VAV2: variants seen among roughly 807,000 people sequenced by gnomAD.
VAV2 encodes the protein vav guanine nucleotide exchange factor 2, also known as guanine nucleotide exchange factor VAV2.
A neutral mutation model predicts 132.5 loss-of-function variants in VAV2; 67 were observed. The observed-to-expected ratio is 0.51, with a 90% CI of 0.42 to 0.62. The LOEUF (loss-of-function observed/expected upper bound fraction) is 0.62, where lower values mean the gene tolerates loss of function less well. Among genes scored for constraint, VAV2 ranks in the 20% least tolerant of loss-of-function variants. The pLI is 0.00. For missense variants in VAV2, 938 were observed against 1,153.6 expected (o/e 0.81, Z 2.71); for synonymous variants, 492 against 443.5 (o/e 1.11, Z -1.37).
chr9:133,827,233 T>G (rs1461386833), intron 4 of VAV2, among the ~76,000 whole-genome samples: 1 of 77,502 alleles, frequency 1.3e-5, no homozygotes, highest in Non-Finnish European at 2.7e-5. Context: ...CTGTGCCCAC[T>G]GGGGCTGACC....
In VAV2 at chr9:133,879,625, A is replaced by G. The variant is rs1423411873; in HGVS notation, c.322-18193T>C. 1.3e-5 allele frequency among the ~76,000 whole-genome samples: 2 copies of G among 152,176 alleles called. No individual in the cohort carries two copies. The highest frequency in any genetic ancestry group is 2.1e-4 in the South Asian group (1 of 4,820). On this transcript the variant is annotated intron_variant, in intron 2 of 29. Coordinates refer to ENST00000371850, the MANE Select transcript of VAV2 (RefSeq NM_001134398.2). The surrounding 1 kb of genome is among the most constrained non-coding windows in gnomAD (Gnocchi z 4.4). ...ACATCTGAGTCCTCTGCCAAATGCAAATCTAAGCAACAAGCCGCACACACC... is the reference window on the plus strand; with the variant it reads ...ACATCTGAGTCCTCTGCCAAATGCAGATCTAAGCAACAAGCCGCACACACC...
At position 133,879,398 on chromosome 9, in the gene VAV2, C is replaced by A. The variant is rs1838396478; in HGVS notation, c.322-17966G>T. The stretch of plus-strand genomic sequence containing the variant: ...GTCCCTAATCAAGCAAAGCAAGGGG[C>A]AGGAGATGTCCAGGAATCAGAGAAG... On this transcript the variant is annotated intron_variant, in intron 2 of 29. Coordinates refer to ENST00000371850, the MANE Select transcript of VAV2 (RefSeq NM_001134398.2). This position sits in a 1 kb window ranked among gnomAD's most constrained non-coding sequence, Gnocchi z 4.4. 6.6e-6 allele frequency among the ~76,000 whole-genome samples: 1 copy of A among 152,082 alleles called. No homozygotes were observed. Among genetic ancestry groups the A allele is most frequent in the South Asian group, 2.1e-4 (1 of 4,810 alleles).
At chr9:133,916,096 C>T (rs117919485) in intron 2 of VAV2, among the ~76,000 whole-genome samples, 4,295 of 152,346 alleles carry the variant, frequency 0.028, 90 homozygotes, top group Non-Finnish European at 0.043. Flanking sequence ...CACGCACCTT[C>T]CCTTCTGAAG....
At chr9:133,831,920 C>T (rs965778110) in intron 4 of VAV2, among the ~76,000 whole-genome samples, 1 of 152,148 alleles carries the variant, frequency 6.6e-6, no homozygotes, top group African/African-American at 2.4e-5. Flanking sequence ...CCTCAGTTTC[C>T]TTATCTGTAA....
chr9:133,964,551 A>G (rs1343010580), intron 1 of VAV2, among the ~76,000 whole-genome samples: 1 of 152,180 alleles, frequency 6.6e-6, no homozygotes, highest in East Asian at 1.9e-4. Flanking sequence ...ACCCTAACGA[A>G]CATAGATGCA....
rs894450449 is a variant in VAV2, at chr9:133,945,860, C to T, written c.205-6641G>A. ...CAACCACATTCCAGTGCAGACCCCA[C>T]AGCAGGTGCTCCAGGTGGGGACAAC... On this transcript the variant is annotated intron_variant, in intron 1 of 29. Transcript: ENST00000371850. Among the ~76,000 whole-genome samples, 4 of 152,258 alleles carry T rather than the reference C, an allele frequency of 2.6e-5. No individual in the cohort carries two copies. In the East Asian group the frequency reaches 7.7e-4, roughly 29 times the overall value.
chr9:133,829,432 C>A (rs929019458), intron 4 of VAV2, among the ~76,000 whole-genome samples: 2 of 152,234 alleles, frequency 1.3e-5, no homozygotes, highest in African/African-American at 4.8e-5. Context: ...CTGTGCTACC[C>A]GGCACAGAGC....
Position 133,919,080 on chromosome 9 carries a change from T to C in VAV2, c.321+20023A>G, listed in dbSNP as rs915999080. The stretch of plus-strand genomic sequence containing the variant: ...GAGCTACCACCCCCGGCCGCCACCA[T>C]GTTTTTAAAGACTTCCCCACATCCC... On this transcript the variant is annotated intron_variant, in intron 2 of 29. Transcript: ENST00000371850. This position sits in a 1 kb window ranked among gnomAD's most constrained non-coding sequence, Gnocchi z 5.8. Among the ~76,000 whole-genome samples the C allele has an allele frequency of 2.0e-5, 3 of 152,062 alleles. No individual in the cohort carries two copies. Among genetic ancestry groups the C allele is most frequent in the East Asian group, 3.9e-4 (2 of 5,186 alleles).
chr9:133,790,465 C>T (rs373886717), intron 13 of VAV2, among the ~76,000 whole-genome samples: 5 of 152,310 alleles, frequency 3.3e-5, no homozygotes, highest in Middle Eastern at 6.8e-3. Flanking sequence ...GCATGACCAC[C>T]GCGCCCAGCC....
At chr9:133,929,617 T>A (rs904887261) in intron 2 of VAV2, among the ~76,000 whole-genome samples, 1 of 152,110 alleles carries the variant, frequency 6.6e-6, no homozygotes, top group African/African-American at 2.4e-5. Flanking sequence ...GAAGGGCCCC[T>A]CTGCCTGCAC....
chr9:133,933,038 AG>A (rs1840741810), intron 2 of VAV2, among the ~76,000 whole-genome samples: 2 of 152,266 alleles, frequency 1.3e-5, no homozygotes, highest in Admixed American at 6.5e-5. Flanking sequence ...TTAAGCAGCA[AG>A]TGAGGGCCAT....
chr9:133,834,885 C>T lies in VAV2; in HGVS notation c.381-545G>A, dbSNP rs963416703. 2.6e-5 allele frequency among the ~76,000 whole-genome samples: 4 copies of T among 152,052 alleles called. No homozygotes were observed. Among genetic ancestry groups the T allele is most frequent in the Admixed American group, 1.3e-4 (2 of 15,282 alleles). ...TGGCTTGAGGTCAGGAAGAGAGTCC[C>T]GAAAATGAAAAGCCCTCGGACCTTC... On this transcript the variant is annotated intron_variant, in intron 3 of 29. Coordinates refer to ENST00000371850, the MANE Select transcript of VAV2 (RefSeq NM_001134398.2). This position sits in a 1 kb window ranked among gnomAD's most constrained non-coding sequence, Gnocchi z 5.9.
At position 133,991,935 on chromosome 9, in the gene VAV2, GCCGC is replaced by G; in HGVS notation, c.204+136_204+139del. 1 of 649,212 alleles carries G rather than the reference GCCGC, an allele frequency of 1.5e-6. No individual in the cohort carries two copies. The highest frequency in any genetic ancestry group is 2.0e-6 in the Non-Finnish European group (1 of 505,352). 40.2% of individuals were successfully genotyped at this position (649,212 alleles called of 1,614,324 possible). A position where few individuals can be genotyped will look rare whatever the true frequency, so the allele number is the denominator to read the frequency against. ...TCGGAGGCCCGGGGCGCACCCTCCA[GCCGC>G]CCGCCCGCGTCCCGGAGCCCGGCCG... is the stretch of plus-strand genomic sequence containing the variant. On this transcript the variant is annotated intron_variant, in intron 1 of 29. Coordinates refer to ENST00000371850, the MANE Select transcript of VAV2 (RefSeq NM_001134398.2). The surrounding 1 kb of genome is among the most constrained non-coding windows in gnomAD (Gnocchi z 4.8).
intron 1 of VAV2, among the ~76,000 whole-genome samples, chr9:133,981,496 C>T (rs993003827): frequency 1.3e-5 from 2 of 152,204 alleles, no homozygotes; most frequent in African/African-American, 4.8e-5. Flanking sequence ...CGGGTGAGGG[C>T]CGGTGCCCTT....
intron 12 of VAV2, among the ~76,000 whole-genome samples, chr9:133,793,561 AC>A (rs1022351689): frequency 6.6e-6 from 1 of 151,012 alleles, no homozygotes; most frequent in African/African-American, 2.4e-5. Context: ...GCTCAGGACC[AC>A]CCCCCTCCCA....
chr9:133,978,562 G>A (rs1180135093), intron 1 of VAV2, among the ~76,000 whole-genome samples: 1 of 152,272 alleles, frequency 6.6e-6, no homozygotes, highest in Non-Finnish European at 1.5e-5. Flanking sequence ...GATGACTTCA[G>A]GGCCAAGCTG....
intron 1 of VAV2, among the ~76,000 whole-genome samples, chr9:133,981,565 C>T (rs1279752707): frequency 2.0e-5 from 3 of 152,232 alleles, no homozygotes; most frequent in African/African-American, 7.2e-5. Flanking sequence ...GCTCAGTGGG[C>T]CCTGCTGTGG....
At chr9:133,874,017 C>T (rs567306116) in intron 2 of VAV2, among the ~76,000 whole-genome samples, 3 of 152,208 alleles carry the variant, frequency 2.0e-5, no homozygotes, top group South Asian at 4.1e-4. Flanking sequence ...AAACCCCCCA[C>T]GAGATGGTTC....
intron 2 of VAV2, among the ~76,000 whole-genome samples, chr9:133,915,379 GTT>G (rs1564462223): frequency 1.1e-3 from 164 of 152,250 alleles, no homozygotes; most frequent in African/African-American, 3.8e-3. Context: ...ACGATCTGGC[GTT>G]CTACAGACTC....
Sources: gnomAD v4.1 joint callset for allele counts (sites outside exome capture counted in the v4.1 genomes callset) on GRCh38, gnomAD v4.1.1 for gene constraint, Gnocchi (gnomAD v3.1) non-coding constraint, MANE v1.5 for transcripts, NCBI Gene and HGNC (gene_info 2026-07-23, HGNC 2026-07-21) for gene names.